Variants in URM1 observed in about 807,000 individuals in gnomAD.
URM1 encodes ubiquitin related modifier 1.
In URM1, 11 loss-of-function variants were observed where a neutral mutation model predicts 17.7. The observed-to-expected ratio is 0.62, with a 90% CI of 0.39 to 1.03. The LOEUF (loss-of-function observed/expected upper bound fraction) is 1.03, where lower values mean the gene tolerates loss of function less well. Ranked by LOEUF, URM1 falls within the 50% of genes least tolerant of loss-of-function variation. The pLI is 0.00. For synonymous variants in URM1, 48 were observed against 50.6 expected (o/e 0.95, Z 0.22); for missense variants, 128 against 129.2 (o/e 0.99, Z 0.04).
At chr9:128,374,194 AGATGTGCT>A (rs1833048154) in intron 1 of URM1, among the ~76,000 whole-genome samples, 1 of 152,092 alleles carries the variant, frequency 6.6e-6, no homozygotes, top group Non-Finnish European at 1.5e-5. Flanking sequence ...CCCCCACTCC[AGATGTGCT>A]GACAGCAGAA....
At chr9:128,376,384 G>A (rs940410334) in intron 1 of URM1, among the ~76,000 whole-genome samples, 2 of 151,748 alleles carry the variant, frequency 1.3e-5, no homozygotes, top group African/African-American at 4.8e-5. Context: ...AATAGGCCAG[G>A]CACGGTGGCT....
chr9:128,375,996 T>TA (rs1404031664), intron 1 of URM1, among the ~76,000 whole-genome samples: 4 of 152,014 alleles, frequency 2.6e-5, no homozygotes, highest in African/African-American at 9.7e-5. Context: ...ACCTGTGTGG[T>TA]AAGCTGCCTC....
intron 1 of URM1, 145 bp downstream of exon 1, chr9:128,371,560 C>CT (rs1355428077): frequency 2.6e-6 from 2 of 783,408 alleles, no homozygotes; most frequent in Non-Finnish European, 4.1e-6. Context: ...CTAGGAGAGT[C>CT]TGAGAGGCCA....
intron 2 of URM1, among the ~76,000 whole-genome samples, chr9:128,380,326 G>T (rs925260201): frequency 1.3e-5 from 2 of 150,474 alleles, no homozygotes; most frequent in Non-Finnish European, 3.0e-5. Flanking sequence ...CGTGGAGGCT[G>T]GGGGGGGGAC....
At chr9:128,373,076 A>C (rs984765355) in intron 1 of URM1, among the ~76,000 whole-genome samples, 7 of 152,150 alleles carry the variant, frequency 4.6e-5, no homozygotes, top group African/African-American at 2.4e-5. Context: ...CTTACAAACC[A>C]GCACAATTGC....
At position 128,390,546 on chromosome 9, in the gene URM1, G is replaced by A. The variant is rs2131303628; in HGVS notation, c.*812G>A. 6.6e-6 allele frequency: 1 copy of A among 152,266 alleles called. No individual in the cohort carries two copies. Among genetic ancestry groups the A allele is most frequent in the African/African-American group, 2.4e-5 (1 of 41,488 alleles). 9.4% of individuals were successfully genotyped at this position (152,266 alleles called of 1,614,324 possible). A position where few individuals can be genotyped will look rare whatever the true frequency, so the allele number is the denominator to read the frequency against. On this transcript the variant is annotated 3_prime_UTR_variant, in exon 5 of 5. Transcript: ENST00000372853. ...CAACTGAATATAGTGGCTGAAAACT[G>A]GGGAGATACTTGATGGCGCGAATGT...
At chr9:128,371,706 C>T (rs2131285317) in intron 1 of URM1, among the ~76,000 whole-genome samples, 1 of 152,330 alleles carries the variant, frequency 6.6e-6, no homozygotes, top group East Asian at 1.9e-4. Context: ...GCCTCTCTCT[C>T]TTCTTTTCCA....
chr9:128,388,311 C>T, intron 3 of URM1: 1 of 1,053,742 alleles, frequency 9.5e-7, no homozygotes, highest in Non-Finnish European at 1.1e-6. Context: ...TAGTAGATTA[C>T]CATACAGTGC....
At chr9:128,385,060 G>C (rs184122391) in intron 2 of URM1, among the ~76,000 whole-genome samples, 14 of 152,314 alleles carry the variant, frequency 9.2e-5, no homozygotes, top group African/African-American at 3.4e-4. Flanking sequence ...ATACCTGGGA[G>C]ATACCGCTGA....
chr9:128,379,425 A>G (rs1833127645), intron 2 of URM1, among the ~76,000 whole-genome samples: 4 of 151,914 alleles, frequency 2.6e-5, no homozygotes, highest in Non-Finnish European at 4.4e-5. Context: ...GTTGCAGTGA[A>G]CCAAGATCGC....
intron 2 of URM1, among the ~76,000 whole-genome samples, chr9:128,380,327 G>T (rs777839739): frequency 9.2e-5 from 14 of 151,430 alleles, no homozygotes; most frequent in South Asian, 2.1e-4. Flanking sequence ...GTGGAGGCTG[G>T]GGGGGGGACA....
Position 128,387,455 on chromosome 9 carries a change from G to A in URM1, c.107-361G>A, listed in dbSNP as rs1250854048. On this transcript the variant is annotated intron_variant, in intron 2 of 4. Transcript: ENST00000372853. The surrounding 1 kb of genome is among the most constrained non-coding windows in gnomAD (Gnocchi z 4.3). ...AGGTCCTCTCAGAAGTCCAGCCATG[G>A]CAGTTGGAGACTGGCTTCCAGGACT... 1.3e-5 allele frequency among the ~76,000 whole-genome samples: 2 copies of A among 152,242 alleles called. No homozygotes were observed. Among genetic ancestry groups the A allele is most frequent in the African/African-American group, 4.8e-5 (2 of 41,462 alleles).
Position 128,387,423 on chromosome 9 carries a change from C to A in URM1, c.107-393C>A, listed in dbSNP as rs542986107. The stretch of plus-strand genomic sequence containing the variant: ...GCTGGAGAGATAAAGGTGGAGGGGG[C>A]TCTTCAAGGTCCTCTCAGAAGTCCA... On this transcript the variant is annotated intron_variant, in intron 2 of 4. Coordinates refer to ENST00000372853, the MANE Select transcript of URM1 (RefSeq NM_030914.4). This position sits in a 1 kb window ranked among gnomAD's most constrained non-coding sequence, Gnocchi z 4.3. Among the ~76,000 whole-genome samples the A allele has an allele frequency of 6.6e-6, 1 of 152,330 alleles. No homozygotes were observed. The highest frequency in any genetic ancestry group is 1.5e-5 in the Non-Finnish European group (1 of 68,032).
At chr9:128,372,399 T>A (rs1346167885) in intron 1 of URM1, among the ~76,000 whole-genome samples, 1 of 152,116 alleles carries the variant, frequency 6.6e-6, no homozygotes, top group Non-Finnish European at 1.5e-5. Context: ...TTTCTTCTCA[T>A]TGGATGCCTC....
At chr9:128,375,911 C>CT (rs1470398506) in intron 1 of URM1, among the ~76,000 whole-genome samples, 1 of 152,140 alleles carries the variant, frequency 6.6e-6, no homozygotes, top group Non-Finnish European at 1.5e-5. Flanking sequence ...AGTCACACAT[C>CT]TAAGGTCTCA....
intron 1 of URM1, among the ~76,000 whole-genome samples, chr9:128,375,637 G>T (rs1389416834): frequency 6.6e-6 from 1 of 152,062 alleles, no homozygotes; most frequent in Non-Finnish European, 1.5e-5. Flanking sequence ...TTGGCTAACT[G>T]CAGCCTCAAC....
At position 128,380,328 on chromosome 9, in the gene URM1, G is replaced by T. The variant is rs373715656; in HGVS notation, c.106+2222G>T. On this transcript the variant is annotated intron_variant, in intron 2 of 4. Transcript: ENST00000372853. ...TCTGTCTGCCACACGTGGAGGCTGG[G>T]GGGGGGACACTTACTGAGGAGCAGG... 1.6e-4 allele frequency among the ~76,000 whole-genome samples: 25 copies of T among 152,278 alleles called. No individual in the cohort carries two copies. In the East Asian group the frequency reaches 1.7e-3, roughly 11 times the overall value.
In URM1 at chr9:128,387,813, CA is replaced by C. The variant is rs1418777541; in HGVS notation, c.107-2del. On this transcript the variant is annotated splice_acceptor_variant, in intron 2 of 4. Coordinates refer to ENST00000372853, the MANE Select transcript of URM1 (RefSeq NM_030914.4). LOFTEE classifies it high-confidence loss of function. This position sits in a 1 kb window ranked among gnomAD's most constrained non-coding sequence, Gnocchi z 4.3. ...AGAGTTTGTTCTGTGCATTCCTTTCCAGGGGACATCCGGAACCTGCTCATCT... is the reference window on the plus strand; with the variant it reads ...AGAGTTTGTTCTGTGCATTCCTTTCCGGGGACATCCGGAACCTGCTCATCT... The C allele has an allele frequency of 6.2e-7, 1 of 1,614,108 alleles. No individual in the cohort carries two copies. The highest frequency in any genetic ancestry group is 1.7e-5 in the Admixed American group (1 of 60,016).
chr9:128,375,123 G>A (rs1833060501), intron 1 of URM1, among the ~76,000 whole-genome samples: 1 of 152,228 alleles, frequency 6.6e-6, no homozygotes, highest in Admixed American at 6.5e-5. Flanking sequence ...ATCAAAGTGA[G>A]CAAATAATAT....
Sources: allele counts gnomAD v4.1 joint callset (sites outside exome capture counted in the v4.1 genomes callset), GRCh38; gene constraint gnomAD v4.1.1; non-coding constraint Gnocchi (gnomAD v3.1); transcripts MANE v1.5; gene names NCBI Gene and HGNC (gene_info 2026-07-23, HGNC 2026-07-21).